Variants in MAP2K3 observed in about 807,000 individuals in gnomAD.
MAP2K3 encodes mitogen-activated protein kinase kinase 3.
In MAP2K3, 30 loss-of-function variants were observed where a neutral mutation model predicts 46.4. That is an observed-to-expected ratio of 0.65 (90% CI 0.48 to 0.88). The LOEUF is 0.88. MAP2K3 is among the 40% of genes least tolerant of loss of function. The pLI is 0.00. For missense variants in MAP2K3, 380 were observed against 464.5 expected, an observed-to-expected ratio of 0.82 and a Z score of 1.67; for synonymous variants, 189 against 176.3, an observed-to-expected ratio of 1.07 and a Z score of -0.57.
intron 9 of MAP2K3, among the ~76,000 whole-genome samples, chr17:21,309,706 C>T (rs1597830640): frequency 1.3e-5 from 2 of 151,952 alleles, no homozygotes; most frequent in African/African-American, 2.4e-5. Context: ...CTCCGCCTCC[C>T]AGGTTCAAGT....
chr17:21,286,421 T>C (rs1326937704), intron 1 of MAP2K3, among the ~76,000 whole-genome samples: 1 of 152,246 alleles, frequency 6.6e-6, no homozygotes, highest in Admixed American at 6.5e-5. Flanking sequence ...GGGCTCTTCC[T>C]GGCCCCTGCT....
chr17:21,287,406 A>G (rs760721775), intron 1 of MAP2K3, among the ~76,000 whole-genome samples: 15 of 152,248 alleles, frequency 9.9e-5, no homozygotes, highest in Non-Finnish European at 1.9e-4. Context: ...CATCCTGGGC[A>G]CTGGGCCTCC....
At position 21,300,618 on chromosome 17, in the gene MAP2K3, A is replaced by G; in HGVS notation, c.239A>G (p.Lys80Arg). The G allele has an allele frequency of 6.2e-7, 1 of 1,613,000 alleles. No individual in the cohort carries two copies. The highest frequency in any genetic ancestry group is 8.5e-7 in the Non-Finnish European group (1 of 1,179,526). The change falls in exon 4 of 12, where the codon AAG becomes AGG. Residue 80 changes from lysine (K) to arginine (R), a missense_variant. Around this residue, in one of 5 missense-constraint regions of MAP2K3, gnomAD observed 294 missense variants for 275.4 expected, o/e 1.07. Transcript: ENST00000342679. ...CGTGGAGCCTATGGGGTGGTAGAGAAGGTGCGGCACGCCCAGAGCGGCACC... is the reference window on the plus strand; with the variant it reads ...CGTGGAGCCTATGGGGTGGTAGAGAGGGTGCGGCACGCCCAGAGCGGCACC... ...LGRGAYGVVE[K>R]VRHAQSGTIM...
At chr17:21,287,984 C>T (rs538248582) in intron 1 of MAP2K3, 96 of 1,267,902 alleles carry the variant, frequency 7.6e-5, no homozygotes, top group East Asian at 1.1e-4. Flanking sequence ...CCTCTTGTGA[C>T]GCACAGGAAA....
intron 9 of MAP2K3, among the ~76,000 whole-genome samples, chr17:21,307,218 C>G (rs1170563348): frequency 6.6e-6 from 1 of 152,304 alleles, no homozygotes; most frequent in Non-Finnish European, 1.5e-5. Flanking sequence ...TGTCTAGGGG[C>G]CTTACCCTGA....
chr17:21,293,016 G>A (rs1162370772), intron 1 of MAP2K3, among the ~76,000 whole-genome samples: 2 of 152,422 alleles, frequency 1.3e-5, no homozygotes, highest in South Asian at 2.1e-4. Context: ...GAGATGTAAT[G>A]AAAGAAATTT....
At position 21,304,321 on chromosome 17, in the gene MAP2K3, C is replaced by T. The variant is rs1976768702; in HGVS notation, c.569-105C>T. Reference sequence around the variant, plus strand: ...GCCCACTGGGGCATGGGAGGGGGCACAGGAGGGGTCTTGGGCGAGGGAGGG... The same window carrying T: ...GCCCACTGGGGCATGGGAGGGGGCATAGGAGGGGTCTTGGGCGAGGGAGGG... On this transcript the variant is annotated intron_variant, in intron 7 of 11. Transcript: ENST00000342679. The T allele has an allele frequency of 2.5e-5, 40 of 1,583,508 alleles. No individual in the cohort carries two copies. The South Asian group carries it at 4.5e-4, about 18-fold the overall frequency.
rs1597506628 is a variant in MAP2K3, at chr17:21,312,210, G to A, written c.843G>A (p.Val281=). 6.2e-7 allele frequency: 1 copy of A among 1,602,842 alleles called. No homozygotes were observed. ...CCCCGTTCCAGCAGCTGAAGCAGGTGGTGGAGGAGCCGTCCCCCCAGCTCC... is the reference window on the plus strand; with the variant it reads ...CCCCGTTCCAGCAGCTGAAGCAGGTAGTGGAGGAGCCGTCCCCCCAGCTCC... The part of the protein sequence containing the change: ...WGTPFQQLKQ[V]VEEPSPQLPA... Residue 281 remains valine (V), a synonymous_variant, in exon 10 of 12, where the codon GTG becomes GTA. Transcript: ENST00000342679.
At chr17:21,300,846 A>G (rs1387087933) in intron 4 of MAP2K3, 28 bp from the exon 5 acceptor site, 1 of 1,613,780 alleles carries the variant, frequency 6.2e-7, no homozygotes, top group Non-Finnish European at 8.5e-7. Flanking sequence ...TGCCACGGCA[A>G]CCTCTGAATG....
At chr17:21,295,162 G>C (rs1213990163) in intron 1 of MAP2K3, among the ~76,000 whole-genome samples, 1 of 152,312 alleles carries the variant, frequency 6.6e-6, no homozygotes, top group Non-Finnish European at 1.5e-5. Flanking sequence ...CCTGCGGTGG[G>C]AAAGCAGGTG....
chr17:21,313,809 G>A (rs1386855913), intron 11 of MAP2K3: 6 of 579,316 alleles, frequency 1.0e-5, no homozygotes, highest in Non-Finnish European at 1.9e-5. Flanking sequence ...AAGGCTTCAT[G>A]GAGGAGGTAC....
At position 21,284,754 on chromosome 17, in the gene MAP2K3, A is replaced by G; in HGVS notation, c.-167A>G. The G allele has an allele frequency of 1.6e-6, 1 of 640,404 alleles. No individual in the cohort carries two copies. The highest frequency in any genetic ancestry group is 2.5e-6 in the Non-Finnish European group (1 of 405,554). 39.7% of individuals were successfully genotyped at this position (640,404 alleles called of 1,614,324 possible). ...CCCGTCGCGGACTCGTCCTTGCTGC[A>G]GTCGCCGCCGCAGTCCTCGCCGCAG... On this transcript the variant is annotated 5_prime_UTR_variant, in exon 1 of 12. Coordinates refer to ENST00000342679, the MANE Select transcript of MAP2K3 (RefSeq NM_145109.3).
chr17:21,284,974 G>GA lies in MAP2K3; in HGVS notation c.49+5_49+6insA, dbSNP rs1255852264. On this transcript the variant is annotated splice_donor_region_variant and intron_variant, in intron 1 of 11. Coordinates refer to ENST00000342679, the MANE Select transcript of MAP2K3 (RefSeq NM_145109.3). ...CCAGCATGCCCCAGTCCAAAGGTAG[G>GA]CGCTCCCGGCCGGGACCTCGGCCTG... 2 of 1,608,732 alleles carry GA rather than the reference G, an allele frequency of 1.2e-6. No individual in the cohort carries two copies. The highest frequency in any genetic ancestry group is 3.4e-5 in the Admixed American group (2 of 59,628).
chr17:21,314,096 C>T (rs749870564), intron 11 of MAP2K3, 51 bp from the exon 12 acceptor site: 134 of 1,451,230 alleles, frequency 9.2e-5, no homozygotes, highest in Non-Finnish European at 1.2e-4. Flanking sequence ...GAGTGGCCAC[C>T]TCTCCCTCCC....
At chr17:21,304,186 G>A (rs1260396711) in intron 7 of MAP2K3, among the ~76,000 whole-genome samples, 1 of 152,312 alleles carries the variant, frequency 6.6e-6, no homozygotes. Flanking sequence ...GCCGGGCCGG[G>A]CTGGGCACGT....
In MAP2K3 at chr17:21,315,045, A is replaced by C. The variant is rs1343092384; in HGVS notation, c.*815A>C. 1 of 152,552 alleles carries C rather than the reference A, an allele frequency of 6.6e-6. No homozygotes were observed. Among genetic ancestry groups the C allele is most frequent in the African/African-American group, 2.4e-5 (1 of 41,426 alleles). 9.4% of individuals were successfully genotyped at this position (152,552 alleles called of 1,614,324 possible). A position where few individuals can be genotyped will look rare whatever the true frequency, so the allele number is the denominator to read the frequency against. ...CCAAGATCTCTGCTCAGAGAAGTGC[A>C]GGGGGAGCCTTCCAGCTCACTCTCC... On this transcript the variant is annotated 3_prime_UTR_variant, in exon 12 of 12. Transcript: ENST00000342679.
At chr17:21,313,720 C>T (rs750754577) in intron 11 of MAP2K3, 183 bp downstream of exon 11, 1 of 629,496 alleles carries the variant, frequency 1.6e-6, no homozygotes, top group Non-Finnish European at 2.9e-6. Context: ...CTCCCTCCTT[C>T]CTGCATGCCA....
intron 7 of MAP2K3, 56 bp downstream of exon 7, chr17:21,303,290 CA>C: frequency 6.2e-7 from 1 of 1,611,264 alleles, no homozygotes. Flanking sequence ...GATCCCAGGC[CA>C]AGGCGGGTGG....
At chr17:21,285,084 T>C (rs1324211904) in intron 1 of MAP2K3, 115 bp downstream of exon 1, 34 of 1,419,418 alleles carry the variant, frequency 2.4e-5, no homozygotes, top group Non-Finnish European at 2.9e-5. Context: ...GGCAGCGGCG[T>C]CCGGTCCCGG....
Sources: allele counts gnomAD v4.1 joint callset (sites outside exome capture counted in the v4.1 genomes callset), GRCh38; gene constraint gnomAD v4.1.1; regional missense constraint gnomAD v4.1.1; transcripts MANE v1.5; gene names NCBI Gene and HGNC (gene_info 2026-07-23, HGNC 2026-07-21).